Variants in DTD1 observed in about 807,000 individuals in gnomAD.
The protein encoded by DTD1 is D-tyrosyl-tRNA deacylase 1 homolog.
In DTD1, 13 loss-of-function variants were observed where a neutral mutation model predicts 25.6. The ratio of observed to expected loss-of-function variants is 0.51; its 90% CI spans 0.33 to 0.81. The LOEUF (loss-of-function observed/expected upper bound fraction) is 0.81, where lower values mean the gene tolerates loss of function less well. DTD1 is among the 30% of genes least tolerant of loss of function. DTD1 has a pLI of 0.02. For missense variants in DTD1, 193 were observed against 266.4 expected (o/e 0.72, Z 1.92); for synonymous variants, 110 against 103.6 (o/e 1.06, Z -0.37).
At chr20:18,706,171 A>G (rs1288066691) in intron 4 of DTD1, among the ~76,000 whole-genome samples, 2 of 152,208 alleles carry the variant, frequency 1.3e-5, no homozygotes, top group African/African-American at 4.8e-5. Flanking sequence ...TCCTGGGGTC[A>G]TTACTGACCA....
intron 4 of DTD1, among the ~76,000 whole-genome samples, chr20:18,638,170 C>CCCAT (rs55689427): frequency 0.013 from 1,885 of 150,558 alleles, 10 homozygotes; most frequent in African/African-American, 0.018. Flanking sequence ...CCTCCATCTG[C>CCCAT]CCATCCATCC....
At position 18,633,808 on chromosome 20, in the gene DTD1, G is replaced by C. The variant is rs1298531295; in HGVS notation, c.477+5575G>C. Among the ~76,000 whole-genome samples the C allele has an allele frequency of 2.6e-5, 4 of 152,352 alleles. No individual in the cohort carries two copies. The East Asian group carries it at 7.7e-4, about 29-fold the overall frequency. On this transcript the variant is annotated intron_variant, in intron 4 of 5. Coordinates refer to ENST00000377452, the MANE Select transcript of DTD1 (RefSeq NM_080820.6). ...ATGTGATGCAGCTACTGCTGGTGAA[G>C]ACTGAGCTGGTAAAGGTAACCAGCA...
chr20:18,709,996 T>C (rs1370027554), intron 4 of DTD1, among the ~76,000 whole-genome samples: 1 of 152,156 alleles, frequency 6.6e-6, no homozygotes, highest in African/African-American at 2.4e-5. Flanking sequence ...CTGCTTGTAT[T>C]TGAGGATTTG....
chr20:18,634,845 G>C (rs1266851840), intron 4 of DTD1, among the ~76,000 whole-genome samples: 1 of 152,198 alleles, frequency 6.6e-6, no homozygotes, highest in African/African-American at 2.4e-5. Context: ...TGAGCACACA[G>C]GTGGCTTGCT....
intron 4 of DTD1, chr20:18,632,598 T>G (rs6081263): frequency 1.0e-6 from 1 of 984,456 alleles, no homozygotes; most frequent in African/African-American, 1.7e-5. Context: ...AAGCTTTTAA[T>G]TCTCAGTGTT....
intron 4 of DTD1, among the ~76,000 whole-genome samples, chr20:18,724,696 A>G (rs1324500575): frequency 6.6e-6 from 1 of 152,228 alleles, no homozygotes; most frequent in Non-Finnish European, 1.5e-5. Flanking sequence ...TAAATATTGT[A>G]TACACTTTCA....
intron 4 of DTD1, among the ~76,000 whole-genome samples, chr20:18,685,377 A>G (rs2061012469): frequency 1.3e-5 from 2 of 152,204 alleles, no homozygotes; most frequent in South Asian, 2.1e-4. Context: ...TCCTCCTTAT[A>G]CATAGCTGCC....
chr20:18,758,187 G>A (rs78849367), intron 5 of DTD1, among the ~76,000 whole-genome samples: 36,392 of 151,620 alleles, frequency 0.24, 4,773 homozygotes, highest in East Asian at 0.35. Flanking sequence ...TCTTGCTAGC[G>A]GTCTATCAAT....
At chr20:18,701,025 A>G (rs1306991562) in intron 4 of DTD1, among the ~76,000 whole-genome samples, 1 of 152,230 alleles carries the variant, frequency 6.6e-6, no homozygotes, top group African/African-American at 2.4e-5. Context: ...ACTAAAGCAC[A>G]TGTTAACTGA....
At chr20:18,611,360 C>T (rs1600316874) in intron 3 of DTD1, among the ~76,000 whole-genome samples, 1 of 152,174 alleles carries the variant, frequency 6.6e-6, no homozygotes, top group Admixed American at 6.5e-5. Flanking sequence ...CTTCCAGCTC[C>T]AGTATGAAAA....
intron 5 of DTD1, 74 bp downstream of exon 5, chr20:18,744,345 T>C: frequency 6.8e-7 from 1 of 1,461,732 alleles, no homozygotes; most frequent in South Asian, 1.3e-5. Flanking sequence ...GAATAGCTGC[T>C]GAGGCTGAAT....
At chr20:18,697,875 G>A (rs1600376766) in intron 4 of DTD1, among the ~76,000 whole-genome samples, 1 of 152,120 alleles carries the variant, frequency 6.6e-6, no homozygotes, top group Non-Finnish European at 1.5e-5. Flanking sequence ...TAGTAGAGAC[G>A]GGGTTTCACT....
At chr20:18,595,138 A>G (rs1327688799) in intron 2 of DTD1, among the ~76,000 whole-genome samples, 1 of 152,184 alleles carries the variant, frequency 6.6e-6, no homozygotes, top group East Asian at 1.9e-4. Context: ...CCTTCTTCAC[A>G]TGTATAGGGA....
chr20:18,686,676 GGT>G (rs1555800522), intron 4 of DTD1, among the ~76,000 whole-genome samples: 3 of 136,594 alleles, frequency 2.2e-5, no homozygotes, highest in African/African-American at 8.1e-5. Context: ...GTGTGTGTGT[GGT>G]GTGTGTGTGC....
At chr20:18,710,377 C>CTT (rs11482232) in intron 4 of DTD1, among the ~76,000 whole-genome samples, 10 of 149,702 alleles carry the variant, frequency 6.7e-5, no homozygotes, top group Admixed American at 3.3e-4. Flanking sequence ...ATATTCTGAT[C>CTT]TTTTTTTTTT....
chr20:18,736,574 C>T (rs992783452), intron 4 of DTD1, among the ~76,000 whole-genome samples: 6 of 152,200 alleles, frequency 3.9e-5, no homozygotes, highest in African/African-American at 7.2e-5. Context: ...GTGCTTTGCA[C>T]GACTCAGGGC....
intron 5 of DTD1, among the ~76,000 whole-genome samples, chr20:18,757,921 A>G (rs991337116): frequency 3.4e-4 from 51 of 152,104 alleles, no homozygotes; most frequent in Non-Finnish European, 5.4e-4. Context: ...TTGGTTGGTA[A>G]GCTATTAATT....
In DTD1 at chr20:18,761,044, A is replaced by G. The variant is rs35768380; in HGVS notation, c.*20-2316A>G. Among the ~76,000 whole-genome samples, 754 of 152,288 alleles carry G rather than the reference A, an allele frequency of 5.0e-3. 6 individuals are homozygous for G. The highest frequency in any genetic ancestry group is 0.021 in the South Asian group (102 of 4,826). On this transcript the variant is annotated intron_variant, in intron 5 of 5. Coordinates refer to ENST00000377452, the MANE Select transcript of DTD1 (RefSeq NM_080820.6). ...TAGGACCCTCAGAGCCATGCGCGGG[A>G]TATAATCTCCTGGTGTGCCGTTTGC...
chr20:18,750,841 A>G (rs1322933424), intron 5 of DTD1, among the ~76,000 whole-genome samples: 2 of 152,210 alleles, frequency 1.3e-5, no homozygotes, highest in Non-Finnish European at 1.5e-5. Context: ...AGGGTCAAGT[A>G]TTACCTCATT....
Sources: gnomAD v4.1 joint callset for allele counts (sites outside exome capture counted in the v4.1 genomes callset) on GRCh38, gnomAD v4.1.1 for gene constraint, MANE v1.5 for transcripts, NCBI Gene and HGNC (gene_info 2026-07-23, HGNC 2026-07-21) for gene names.